Variants in ZNF684 observed in about 807,000 individuals in gnomAD.
ZNF684 encodes zinc finger protein 684.
A neutral mutation model predicts 12.8 loss-of-function variants in ZNF684; 13 were observed. The observed-to-expected ratio is 1.02, with a 90% CI of 0.66 to 1.62. ZNF684 has a LOEUF of 1.62. Among genes scored for constraint, ZNF684 ranks in the 40% most tolerant of loss-of-function variants. The probability of loss-of-function intolerance (pLI) is 0.00; values close to 1 mark genes in which losing one functional copy is unlikely to be tolerated. For missense variants in ZNF684, 384 were observed against 446.9 expected (o/e 0.86, Z 1.27); for synonymous variants, 118 against 151.8 (o/e 0.78, Z 1.64).
At chr1:40,537,967 A>G (rs1645994184) in intron 2 of ZNF684, among the ~76,000 whole-genome samples, 1 of 152,142 alleles carries the variant, frequency 6.6e-6, no homozygotes, top group Non-Finnish European at 1.5e-5. Flanking sequence ...TGGAACCATG[A>G]AATATGTAAT....
chr1:40,534,859 G>A (rs1342309651), intron 2 of ZNF684, among the ~76,000 whole-genome samples: 1 of 151,938 alleles, frequency 6.6e-6, no homozygotes, highest in Non-Finnish European at 1.5e-5. Context: ...ATGGCATGAT[G>A]GCACACACCT....
chr1:40,539,041 T>TA lies in ZNF684; in HGVS notation c.16-1545_16-1544insA, dbSNP rs1053942184. ...ATCTCTAAAAATATATGTATATATA[T>TA]TTTTTTGAGACAGAGTCTTACTCTG... is the stretch of plus-strand genomic sequence containing the variant. On this transcript the variant is annotated intron_variant, in intron 2 of 4. Coordinates refer to ENST00000372699, the MANE Select transcript of ZNF684 (RefSeq NM_152373.4). Among the ~76,000 whole-genome samples the TA allele has an allele frequency of 5.3e-5, 8 of 151,806 alleles. No individual in the cohort carries two copies. The East Asian group carries it at 1.4e-3, about 26-fold the overall frequency.
In ZNF684 at chr1:40,541,426, G is replaced by A. The variant is rs556098486; in HGVS notation, c.143-189G>A. On this transcript the variant is annotated intron_variant, in intron 3 of 4. Transcript: ENST00000372699. ...TCTCGATCTCCTGACCTCATGATCC[G>A]CCCGCCTCAGCCTTCCAAAGTGTTC... is the stretch of plus-strand genomic sequence containing the variant. The A allele has an allele frequency of 8.6e-5, 37 of 428,542 alleles. No individual in the cohort carries two copies. The East Asian group carries it at 1.1e-3, about 13-fold the overall frequency. The allele number at this position is 428,542 out of a possible 1,614,324, so 26.5% of individuals were successfully genotyped here.
Position 40,546,953 on chromosome 1 carries a change from T to C in ZNF684, c.630T>C (p.Asn210=). The part of the protein sequence containing the change: ...AHLATHQKIH[N]GERPFVCNDC... ...TTGCAACTCATCAGAAAATTCATAA[T>C]GGAGAGAGACCCTTTGTGTGCAATG... is the stretch of plus-strand genomic sequence containing the variant. The change falls in exon 5 of 5, where the codon AAT becomes AAC. Residue 210 remains asparagine (N), a synonymous_variant. Transcript: ENST00000372699. 1 of 1,614,168 alleles carries C rather than the reference T, an allele frequency of 6.2e-7. No individual in the cohort carries two copies. The highest frequency in any genetic ancestry group is 1.1e-5 in the South Asian group (1 of 91,068).
intron 4 of ZNF684, chr1:40,544,425 C>A (rs1646032715): frequency 2.4e-6 from 1 of 421,350 alleles, no homozygotes; most frequent in Non-Finnish European, 4.7e-6. Flanking sequence ...GGCTGGAGTG[C>A]AGTGGCGCAA....
rs545718707 is a variant in ZNF684 at position 40,542,849 on chromosome 1, G to A, written c.238+1139G>A. ...CTAACTTATGGCCTATGATTTCAGC[G>A]ATTAGTTTATTCAAGACTGATTCAA... is the stretch of plus-strand genomic sequence containing the variant. On this transcript the variant is annotated intron_variant, in intron 4 of 4. Transcript: ENST00000372699. 1.6e-4 allele frequency among the ~76,000 whole-genome samples: 24 copies of A among 152,212 alleles called. No homozygotes were observed. In the South Asian group the frequency reaches 4.1e-3, roughly 26 times the overall value.
chr1:40,539,075 G>T (rs1646000277), intron 2 of ZNF684, among the ~76,000 whole-genome samples: 1 of 151,694 alleles, frequency 6.6e-6, no homozygotes, highest in Admixed American at 6.6e-5. Flanking sequence ...TGTCACCCAG[G>T]CTGGAGTGCA....
At chr1:40,535,132 C>T (rs1340970685) in intron 2 of ZNF684, among the ~76,000 whole-genome samples, 1 of 152,080 alleles carries the variant, frequency 6.6e-6, no homozygotes, top group African/African-American at 2.4e-5. Context: ...CTCTTCCTGC[C>T]CAATATTTAT....
rs184612814 is a variant in ZNF684, at chr1:40,540,542, C to T, written c.16-44C>T. The T allele has an allele frequency of 2.4e-3, 3,617 of 1,504,900 alleles. 6 individuals are homozygous for T. Among genetic ancestry groups the T allele is most frequent in the Non-Finnish European group, 3.0e-3 (3,325 of 1,122,544 alleles). 93.2% of individuals were successfully genotyped at this position (1,504,900 alleles called of 1,614,324 possible). A position where few individuals can be genotyped will look rare whatever the true frequency, so the allele number is the denominator to read the frequency against. On this transcript the variant is annotated intron_variant, in intron 2 of 4. Transcript: ENST00000372699. ...CTGCCTTGATTCTCTTGCAAGTTCG[C>T]TAGTGATACACACTTTAGTTTGAAG...
intron 2 of ZNF684, among the ~76,000 whole-genome samples, chr1:40,534,016 G>T (rs1570104727): frequency 6.6e-6 from 1 of 151,662 alleles, no homozygotes; most frequent in South Asian, 2.1e-4. Context: ...TAGAGACGGG[G>T]TTTCACCTTG....
At chr1:40,533,221 C>A in intron 2 of ZNF684, 40 bp downstream of exon 2, 1 of 1,599,902 alleles carries the variant, frequency 6.3e-7, no homozygotes, top group Non-Finnish European at 8.6e-7. Context: ...TTAAATCTCC[C>A]AAAAATCCAT....
intron 2 of ZNF684, among the ~76,000 whole-genome samples, chr1:40,538,905 T>A (rs1439856131): frequency 1.3e-5 from 2 of 150,924 alleles, no homozygotes; most frequent in East Asian, 4.0e-4. Context: ...CGTATGGAAC[T>A]ATGGATTACA....
chr1:40,543,524 T>G (rs1431921565), intron 4 of ZNF684, among the ~76,000 whole-genome samples: 1 of 151,614 alleles, frequency 6.6e-6, no homozygotes, highest in Non-Finnish European at 1.5e-5. Context: ...TTGCGAGATC[T>G]GGGCTCACTG....
At chr1:40,545,522 TAGAC>T (rs1380216212) in intron 4 of ZNF684, among the ~76,000 whole-genome samples, 1 of 152,124 alleles carries the variant, frequency 6.6e-6, no homozygotes, top group Non-Finnish European at 1.5e-5. Context: ...TAATAGCAAA[TAGAC>T]AGAATCTGTT....
chr1:40,533,555 GC>G (rs1373397042), intron 2 of ZNF684, among the ~76,000 whole-genome samples: 1 of 152,180 alleles, frequency 6.6e-6, no homozygotes, highest in African/African-American at 2.4e-5. Flanking sequence ...AACATTCACA[GC>G]AGCAGCCTGC....
Position 40,546,414 on chromosome 1 carries a change from C to T in ZNF684, c.239-148C>T, listed in dbSNP as rs369574736. 1.1e-5 allele frequency: 8 copies of T among 724,604 alleles called. No homozygotes were observed. In the South Asian group the frequency reaches 1.9e-4, roughly 18 times the overall value. 44.9% of individuals were successfully genotyped at this position (724,604 alleles called of 1,614,324 possible). A position where few individuals can be genotyped will look rare whatever the true frequency, so the allele number is the denominator to read the frequency against. ...GCATCTGCTCCCATTCCCTCTTCAG[C>T]AGTTTTATTCTTAAAGCTCAGGAGG... On this transcript the variant is annotated intron_variant, in intron 4 of 4. Transcript: ENST00000372699.
intron 2 of ZNF684, among the ~76,000 whole-genome samples, chr1:40,536,966 A>G (rs1262135302): frequency 6.6e-6 from 1 of 151,954 alleles, no homozygotes; most frequent in Non-Finnish European, 1.5e-5. Context: ...TAATGCCGCA[A>G]TAAACATACG....
rs759059209 is a variant in ZNF684, at chr1:40,547,099, A to G, written c.776A>G (p.Asn259Ser). The G allele has an allele frequency of 1.2e-6, 2 of 1,614,104 alleles. No homozygotes were observed. Among genetic ancestry groups the G allele is most frequent in the Admixed American group, 1.7e-5 (1 of 60,010 alleles). ...ACATTCACTTGGAACTCCTCATTTA[A>G]TCAACACGTGAAATCTCATACACTT... ...GKTFTWNSSF[N>S]QHVKSHTLEK... The change falls in exon 5 of 5, where the codon AAT becomes AGT. Residue 259 changes from asparagine to serine, a missense_variant. Physicochemically the swap from Asn to Ser is conservative, Grantham distance 46. Coordinates refer to ENST00000372699, the MANE Select transcript of ZNF684 (RefSeq NM_152373.4).
chr1:40,539,489 C>A (rs1646002819), intron 2 of ZNF684, among the ~76,000 whole-genome samples: 1 of 152,040 alleles, frequency 6.6e-6, no homozygotes, highest in South Asian at 2.1e-4. Context: ...GGTGACACAG[C>A]AAGACCCTAT....
Sources: gnomAD v4.1 joint callset for allele counts (sites outside exome capture counted in the v4.1 genomes callset) on GRCh38, gnomAD v4.1.1 for gene constraint, MANE v1.5 for transcripts, NCBI Gene and HGNC (gene_info 2026-07-23, HGNC 2026-07-21) for gene names.